COL5A2: variants seen among roughly 807,000 people sequenced by gnomAD.
COL5A2 encodes the protein collagen alpha-2(V) chain.
Under a neutral mutation model 208.2 loss-of-function variants are expected in COL5A2, and 23 were observed. That is an observed-to-expected ratio of 0.11 (90% CI 0.08 to 0.16). The LOEUF (loss-of-function observed/expected upper bound fraction) is 0.16. Among genes scored for constraint, COL5A2 ranks in the 10% least tolerant of loss-of-function variants. COL5A2 has a pLI of 1.00. For missense variants in COL5A2, 1,590 were observed against 1,956.4 expected, an observed-to-expected ratio of 0.81 and a Z score of 3.53; for synonymous variants, 625 against 628.5, an observed-to-expected ratio of 0.99 and a Z score of 0.08.
intron 3 of COL5A2, among the ~76,000 whole-genome samples, chr2:189,103,493 G>C (rs7425297): frequency 0.13 from 19,986 of 151,988 alleles, 1,349 homozygotes; most frequent in Middle Eastern, 0.19. Context: ...AGTTTCTACT[G>C]CCTTGATCCC....
At chr2:189,180,505 C>A (rs1483909592), upstream of COL5A2, among the ~76,000 whole-genome samples, 1 of 152,094 alleles carries the variant, frequency 6.6e-6, no homozygotes, top group Non-Finnish European at 1.5e-5. Context: ...AAGTACTCTA[C>A]CTTTGGATGA....
intron 1 of COL5A2, among the ~76,000 whole-genome samples, chr2:189,120,509 A>T (rs1380762087): frequency 1.3e-5 from 2 of 152,204 alleles, no homozygotes; most frequent in African/African-American, 2.4e-5. Context: ...ATCTTCAATC[A>T]TTATGGAAAT....
At chr2:189,159,159 T>G (rs1308352420) in intron 1 of COL5A2, among the ~76,000 whole-genome samples, 1 of 152,148 alleles carries the variant, frequency 6.6e-6, no homozygotes, top group Non-Finnish European at 1.5e-5. Flanking sequence ...AAGAAAAATA[T>G]TTTCTTAGCA....
At chr2:189,100,035 A>G (rs531721519) in intron 4 of COL5A2, 72 bp downstream of exon 4, 205 of 1,252,868 alleles carry the variant, frequency 1.6e-4, no homozygotes, top group Non-Finnish European at 1.0e-5. Flanking sequence ...GTACATAAGC[A>G]ATAATATACA....
the COL5A2 span, among the ~76,000 whole-genome samples, chr2:189,411,525 G>A: frequency 6.6e-6 from 1 of 152,086 alleles, no homozygotes; most frequent in Non-Finnish European, 1.5e-5. Context: ...TTATCACATG[G>A]TTGGAAATCT....
chr2:189,136,572 G>A (rs1262568137), intron 1 of COL5A2, among the ~76,000 whole-genome samples: 1 of 150,694 alleles, frequency 6.6e-6, no homozygotes, highest in Non-Finnish European at 1.5e-5. Context: ...TCTTGTGTTT[G>A]TATGTTTACA....
chr2:189,150,599 T>A lies in COL5A2; in HGVS notation c.97+28909A>T, dbSNP rs528174718. ...TAATAAAATCGACCTAAATCAAGCT[T>A]GGATTTCTTGATATAACCTCCTACT... On this transcript the variant is annotated intron_variant, in intron 1 of 53. Transcript: ENST00000374866. Among the ~76,000 whole-genome samples the A allele has an allele frequency of 5.3e-5, 8 of 152,294 alleles. 1 individual carries two copies. In the South Asian group the frequency reaches 1.7e-3, roughly 32 times the overall value.
chr2:189,056,919 T>C, intron 35 of COL5A2, 54 bp downstream of exon 35: 1 of 1,540,068 alleles, frequency 6.5e-7, no homozygotes, highest in East Asian at 2.2e-5. Flanking sequence ...GAAACTCATA[T>C]GATACTGTAA....
intron 1 of COL5A2, among the ~76,000 whole-genome samples, chr2:189,202,136 A>C (rs1276555105): frequency 6.6e-6 from 1 of 152,084 alleles, no homozygotes; most frequent in East Asian, 1.9e-4. Flanking sequence ...ACCTAGGATA[A>C]TAATTAAAAG....
chr2:189,070,440 G>T (rs1172157396), intron 18 of COL5A2, among the ~76,000 whole-genome samples: 1 of 152,146 alleles, frequency 6.6e-6, no homozygotes, highest in Non-Finnish European at 1.5e-5. Flanking sequence ...CAAAAACAAA[G>T]ATCCAGGAAT....
At chr2:189,066,927 G>A (rs963041821) in intron 21 of COL5A2, 145 bp from the exon 22 acceptor site, 6 of 657,190 alleles carry the variant, frequency 9.1e-6, no homozygotes, top group African/African-American at 1.8e-5. Context: ...ATTTTTAAAT[G>A]AATGCATGTG....
At position 189,039,475 on chromosome 2, in the gene COL5A2, T is replaced by C; in HGVS notation, c.3722A>G (p.Asp1241Gly). The C allele has an allele frequency of 6.2e-7, 1 of 1,614,094 alleles. No homozygotes were observed. The highest frequency in any genetic ancestry group is 8.5e-7 in the Non-Finnish European group (1 of 1,180,020). ...AALGDIMGHY[D>G]ESMPDPLPEF... The stretch of plus-strand genomic sequence containing the variant: ...AGGAAGTGGATCTGGCATGCTTTCA[T>C]CATAGTGCCCCATGATATCCCCAAG... The change falls in exon 51 of 54, where the codon GAT (aspartate) becomes GGT (glycine). Residue 1241 changes from aspartate to glycine, a missense_variant. Asp to Gly is a moderately conservative substitution (Grantham distance 94, BLOSUM62 -1). Coordinates refer to ENST00000374866, the MANE Select transcript of COL5A2 (RefSeq NM_000393.5).
At chr2:189,261,829 G>C in the COL5A2 span, among the ~76,000 whole-genome samples, 1 of 152,144 alleles carries the variant, frequency 6.6e-6, no homozygotes, top group East Asian at 1.9e-4. Context: ...AAGCACAGTA[G>C]TGACTGCTAT....
intron 6 of COL5A2, among the ~76,000 whole-genome samples, chr2:189,093,023 A>C (rs72906321): frequency 0.13 from 20,185 of 152,088 alleles, 1,368 homozygotes; most frequent in Middle Eastern, 0.19. Flanking sequence ...ACTTTATTTT[A>C]CTTCCCACCC....
chr2:189,405,710 G>A, the COL5A2 span, among the ~76,000 whole-genome samples: 72 of 152,264 alleles, frequency 4.7e-4, no homozygotes, highest in African/African-American at 1.6e-3. Flanking sequence ...TCAAAAATAC[G>A]ACTATTGCAC....
At chr2:189,361,553 T>TC in the COL5A2 span, among the ~76,000 whole-genome samples, 2 of 151,846 alleles carry the variant, frequency 1.3e-5, no homozygotes, top group Non-Finnish European at 2.9e-5. Context: ...TGTTTTTTTT[T>TC]AATCTATTTA....
the COL5A2 span, among the ~76,000 whole-genome samples, chr2:189,396,324 C>T: frequency 6.6e-6 from 1 of 152,086 alleles, no homozygotes; most frequent in African/African-American, 2.4e-5. Context: ...AAGAAATAGG[C>T]TTTAAAATGT....
the COL5A2 span, among the ~76,000 whole-genome samples, chr2:189,310,270 T>A: frequency 1.6e-4 from 25 of 152,182 alleles, no homozygotes; most frequent in African/African-American, 6.0e-4. Flanking sequence ...TTTGAATAGA[T>A]GTTTCTCAAA....
intron 1 of COL5A2, among the ~76,000 whole-genome samples, chr2:189,192,751 C>T (rs6728877): frequency 0.75 from 114,555 of 152,122 alleles, 45,361 homozygotes; most frequent in Non-Finnish European, 0.88. Context: ...TGAATGTCTC[C>T]TCCAAAATTC....
Sources: allele counts gnomAD v4.1 joint callset (sites outside exome capture counted in the v4.1 genomes callset), GRCh38; gene constraint gnomAD v4.1.1; transcripts MANE v1.5; gene names NCBI Gene and HGNC (gene_info 2026-07-23, HGNC 2026-07-21).